PHF12: variants seen among roughly 807,000 people sequenced by gnomAD.
PHF12 encodes PHD finger protein 12, also known as PHD factor 1.
Under a neutral mutation model 99.8 loss-of-function variants are expected in PHF12, and 6 were observed. The ratio of observed to expected loss-of-function variants is 0.06; its 90% CI spans 0.03 to 0.12. The LOEUF (loss-of-function observed/expected upper bound fraction) is 0.12, where lower values mean the gene tolerates loss of function less well. PHF12 is among the 10% of genes least tolerant of loss of function. The pLI is 1.00. For synonymous variants in PHF12, 480 were observed against 514.9 expected (o/e 0.93, Z 0.92); for missense variants, 954 against 1,300.1 (o/e 0.73, Z 4.09).
chr17:28,929,793 C>T (rs569835004), intron 2 of PHF12: 5 of 152,210 alleles, frequency 3.3e-5, no homozygotes, highest in Admixed American at 1.3e-4. Flanking sequence ...ATCTCCAAGC[C>T]CTAGAGGACC....
At chr17:28,943,949 T>C (rs987013830) in intron 2 of PHF12, among the ~76,000 whole-genome samples, 5 of 152,210 alleles carry the variant, frequency 3.3e-5, no homozygotes, top group African/African-American at 1.2e-4. Context: ...ACATTCATAG[T>C]GACTAGTTGA....
At position 28,950,780 on chromosome 17, in the gene PHF12, G is replaced by A. The variant is rs1002366779; in HGVS notation, c.66+115C>T. 4.1e-6 allele frequency: 6 copies of A among 1,448,444 alleles called. No homozygotes were observed. The highest frequency in any genetic ancestry group is 1.4e-5 in the African/African-American group (1 of 69,266). 89.7% of individuals were successfully genotyped at this position (1,448,444 alleles called of 1,614,324 possible). ...GGGGAGGGAGAGGCTAGGTGAGGAA[G>A]AATCCCCCTCCCTCGGCCATCTAGG... On this transcript the variant is annotated intron_variant, in intron 1 of 14. Transcript: ENST00000332830. This position sits in a 1 kb window ranked among gnomAD's most constrained non-coding sequence, Gnocchi z 5.7.
At chr17:28,932,501 A>C (rs2040431599) in intron 2 of PHF12, among the ~76,000 whole-genome samples, 1 of 152,182 alleles carries the variant, frequency 6.6e-6, no homozygotes, top group Admixed American at 6.5e-5. Context: ...CATTGGGGTA[A>C]GCTCAGGAAC....
At chr17:28,938,323 C>G (rs777391326) in intron 2 of PHF12, among the ~76,000 whole-genome samples, 1 of 152,144 alleles carries the variant, frequency 6.6e-6, no homozygotes, top group African/African-American at 2.4e-5. Context: ...CTCCGCCTCC[C>G]GGTTCAACTG....
At chr17:28,910,480 AT>A in intron 10 of PHF12, 111 bp from the exon 11 acceptor site, 1 of 1,298,946 alleles carries the variant, frequency 7.7e-7, no homozygotes, top group Non-Finnish European at 1.1e-6. Context: ...CAGCCAAGTG[AT>A]TTTTACTCAA....
intron 5 of PHF12, among the ~76,000 whole-genome samples, chr17:28,919,769 C>T (rs1311114617): frequency 6.6e-6 from 1 of 151,956 alleles, no homozygotes; most frequent in East Asian, 1.9e-4. Flanking sequence ...CACAACAAAA[C>T]AAAAAAACAA....
chr17:28,943,122 G>A (rs149951577), intron 2 of PHF12, among the ~76,000 whole-genome samples: 45 of 152,256 alleles, frequency 3.0e-4, no homozygotes, highest in African/African-American at 9.4e-4. Context: ...ACTACTTCAC[G>A]CTCACTAGGA....
At chr17:28,923,777 T>G in intron 4 of PHF12, 132 bp downstream of exon 4, 1 of 1,150,090 alleles carries the variant, frequency 8.7e-7, no homozygotes, top group Non-Finnish European at 1.2e-6. Context: ...CAAAGATCTC[T>G]CCAAGCAGAA....
intron 5 of PHF12, among the ~76,000 whole-genome samples, chr17:28,921,484 ACTC>A (rs1157927287): frequency 3.9e-5 from 6 of 151,984 alleles, no homozygotes; most frequent in South Asian, 2.1e-4. Flanking sequence ...AGTTCACAGT[ACTC>A]CTGTACTGTG....
chr17:28,912,967 C>T lies in PHF12; in HGVS notation c.1604G>A (p.Gly535Glu). 2 of 1,614,192 alleles carry T rather than the reference C, an allele frequency of 1.2e-6. No homozygotes were observed. The highest frequency in any genetic ancestry group is 1.7e-6 in the Non-Finnish European group (2 of 1,180,030). The part of the protein sequence containing the change: ...CAEKSKKTPC[G>E]TANGPVNTEV... ...TGTGTTCACTGGCCCATTGGCAGTC[C>T]CACAAGGGGTTTTCTTGGATTTTTC... The change falls in exon 9 of 15, where the codon GGG becomes GAG. Residue 535 changes from glycine (G) to glutamate (E), a missense_variant. Gly to Glu is a moderately conservative substitution (Grantham distance 98). Around this residue, in one of 8 missense-constraint regions of PHF12, gnomAD observed 392 missense variants for 423.1 expected, o/e 0.93. Transcript: ENST00000332830.
Position 28,906,306 on chromosome 17 carries a change from G to A in PHF12, c.2892C>T (p.Ile964=), listed in dbSNP as rs1374532802. Residue 964 remains isoleucine (I), a synonymous_variant, in exon 15 of 15, where the codon ATC becomes ATT. Coordinates refer to ENST00000332830, the MANE Select transcript of PHF12 (RefSeq NM_001033561.2). This position sits in a 1 kb window ranked among gnomAD's most constrained non-coding sequence, Gnocchi z 4.2. ...TGGGCTGTTTGGTCGCAAACTCAGT[G>A]ATGCTGAAGACAAACTGCAGGCAGC... ...KLGCLQFVFS[I]TEFATKQPKG... 6.2e-7 allele frequency: 1 copy of A among 1,614,244 alleles called. No individual in the cohort carries two copies. The highest frequency in any genetic ancestry group is 8.5e-7 in the Non-Finnish European group (1 of 1,180,032).
chr17:28,924,540 CTA>C, intron 3 of PHF12: 1 of 586,824 alleles, frequency 1.7e-6, no homozygotes, highest in Admixed American at 3.0e-5. Context: ...TTAGGAATAA[CTA>C]TACAAAATAT....
intron 2 of PHF12, among the ~76,000 whole-genome samples, chr17:28,941,171 G>T (rs1224175812): frequency 6.6e-6 from 1 of 151,986 alleles, no homozygotes. Context: ...TTTTATCAGG[G>T]TGGCCTACTT....
intron 2 of PHF12, among the ~76,000 whole-genome samples, chr17:28,937,971 T>C (rs1407799664): frequency 6.6e-6 from 1 of 152,170 alleles, no homozygotes; most frequent in East Asian, 1.9e-4. Context: ...AACATTCCAT[T>C]GGAAGGAAGA....
chr17:28,933,722 C>T (rs546804053), intron 2 of PHF12, among the ~76,000 whole-genome samples: 22 of 152,168 alleles, frequency 1.4e-4, no homozygotes, highest in South Asian at 8.3e-4. Flanking sequence ...GAAAAATGAA[C>T]GCAAAGCAAA....
chr17:28,924,910 C>T (rs2040239788), intron 3 of PHF12: 1 of 146,310 alleles, frequency 6.8e-6, no homozygotes, highest in East Asian at 2.0e-4. Flanking sequence ...GAGATTGCGC[C>T]ATTGCACTCC....
At chr17:28,922,796 G>A (rs964304319) in intron 4 of PHF12, among the ~76,000 whole-genome samples, 1 of 152,068 alleles carries the variant, frequency 6.6e-6, no homozygotes, top group African/African-American at 2.4e-5. Context: ...AAAAAAGCAA[G>A]AAGGCCAGGC....
chr17:28,945,611 CCAGT>C (rs1205035691), intron 2 of PHF12, among the ~76,000 whole-genome samples: 1 of 152,194 alleles, frequency 6.6e-6, no homozygotes, highest in African/African-American at 2.4e-5. Flanking sequence ...TCACAGGAAA[CCAGT>C]CAGTTTTATC....
intron 12 of PHF12, chr17:28,908,473 C>T (rs910534317): frequency 6.6e-6 from 2 of 305,272 alleles, no homozygotes; most frequent in Non-Finnish European, 6.3e-6. Context: ...GGCATGTTAG[C>T]CCAGCTAATT....
Sources: allele counts gnomAD v4.1 joint callset (sites outside exome capture counted in the v4.1 genomes callset), GRCh38; gene constraint gnomAD v4.1.1; regional missense constraint gnomAD v4.1.1; non-coding constraint Gnocchi (gnomAD v3.1); transcripts MANE v1.5; gene names NCBI Gene and HGNC (gene_info 2026-07-23, HGNC 2026-07-21).